Variants in ME3 observed in about 807,000 individuals in gnomAD.
The protein encoded by ME3 is malic enzyme 3, also known as NADP-dependent malic enzyme, mitochondrial.
Under a neutral mutation model 68.9 loss-of-function variants are expected in ME3, and 48 were observed. The ratio of observed to expected loss-of-function variants is 0.70; its 90% CI spans 0.55 to 0.89. ME3 has a LOEUF of 0.89. Among genes scored for constraint, ME3 ranks in the 40% least tolerant of loss-of-function variants. ME3 has a pLI of 0.00. For synonymous variants in ME3, 320 were observed against 318.8 expected (o/e 1.00, Z -0.04); for missense variants, 675 against 797.4 (o/e 0.85, Z 1.85).
chr11:86,607,721 A>G (rs1355053463), intron 2 of ME3, among the ~76,000 whole-genome samples: 1 of 150,084 alleles, frequency 6.7e-6, no homozygotes, highest in African/African-American at 2.4e-5. Context: ...AAATATATAT[A>G]TATATATATT....
chr11:86,474,184 C>A (rs569860034), intron 7 of ME3, among the ~76,000 whole-genome samples: 11 of 152,282 alleles, frequency 7.2e-5, no homozygotes, highest in African/African-American at 1.9e-4. Flanking sequence ...GCCAGACTGG[C>A]AGGCTCCTGA....
intron 4 of ME3, among the ~76,000 whole-genome samples, chr11:86,509,579 A>G (rs1953361013): frequency 6.6e-6 from 1 of 152,222 alleles, no homozygotes; most frequent in South Asian, 2.1e-4. Context: ...TTGGGGCAAC[A>G]GGAGGCCAAA....
At chr11:86,588,820 T>C (rs756170677) in intron 2 of ME3, among the ~76,000 whole-genome samples, 1 of 152,204 alleles carries the variant, frequency 6.6e-6, no homozygotes, top group Non-Finnish European at 1.5e-5. Flanking sequence ...GACAACATTA[T>C]TTAAAGATCT....
At chr11:86,539,524 T>C (rs1955904631) in intron 4 of ME3, among the ~76,000 whole-genome samples, 1 of 152,206 alleles carries the variant, frequency 6.6e-6, no homozygotes, top group Non-Finnish European at 1.5e-5. Context: ...CATGTACTTA[T>C]GGTGGCCAAC....
chr11:86,439,235 C>A, downstream of ME3, among the ~76,000 whole-genome samples: 1 of 152,162 alleles, frequency 6.6e-6, no homozygotes, highest in Non-Finnish European at 1.5e-5. Flanking sequence ...TAAAATTAAC[C>A]GTGACAACAT....
intron 2 of ME3, among the ~76,000 whole-genome samples, chr11:86,576,112 T>G (rs548271563): frequency 1.9e-4 from 29 of 152,360 alleles, no homozygotes; most frequent in Admixed American, 1.4e-3. Context: ...ATATGCCAAG[T>G]CTTCACCACT....
At chr11:86,555,867 G>T (rs993529422) in intron 4 of ME3, among the ~76,000 whole-genome samples, 2 of 152,158 alleles carry the variant, frequency 1.3e-5, no homozygotes, top group African/African-American at 4.8e-5. Flanking sequence ...CTAGAACAAT[G>T]TTCCATTACA....
At position 86,447,022 on chromosome 11, in the gene ME3, A is replaced by G. The variant is rs1376266075; in HGVS notation, c.1380+43T>C. On this transcript the variant is annotated intron_variant, in intron 12 of 14. Coordinates refer to ENST00000543262, the Ensembl canonical transcript of ME3. Reference sequence around the variant, plus strand: ...CATGAGGTTACTCATTGTAATTGTTACTATGTCCTCTCAGCCGGGGGAAGG... The same window carrying G: ...CATGAGGTTACTCATTGTAATTGTTGCTATGTCCTCTCAGCCGGGGGAAGG... 2.5e-6 allele frequency: 4 copies of G among 1,602,842 alleles called. No individual in the cohort carries two copies. In the African/African-American group the frequency reaches 5.4e-5, roughly 21 times the overall value.
At chr11:86,449,847 A>G (rs1011967714) in intron 10 of ME3, 42 bp downstream of exon 10, 3 of 1,453,996 alleles carry the variant, frequency 2.1e-6, no homozygotes, top group African/African-American at 2.8e-5. Context: ...CCTGGGAGCT[A>G]TAAGGTGTCA....
chr11:86,646,735 C>T (rs1256094702), intron 2 of ME3, among the ~76,000 whole-genome samples: 1 of 151,996 alleles, frequency 6.6e-6, no homozygotes, highest in Non-Finnish European at 1.5e-5. Context: ...AGAGTAACCC[C>T]AAGACACATA....
chr11:86,450,436 G>T, intron 8 of ME3, 38 bp from the exon 9 acceptor site: 1 of 1,556,864 alleles, frequency 6.4e-7, no homozygotes, highest in South Asian at 1.1e-5. Context: ...TCTGGCCACA[G>T]GCCGCCAGCT....
At chr11:86,609,874 G>A (rs1387760955) in intron 2 of ME3, among the ~76,000 whole-genome samples, 1 of 152,108 alleles carries the variant, frequency 6.6e-6, no homozygotes, top group African/African-American at 2.4e-5. Context: ...AACACAGTAA[G>A]CAAAATTATA....
intron 4 of ME3, among the ~76,000 whole-genome samples, chr11:86,526,043 C>T (rs180696284): frequency 1.3e-5 from 2 of 152,272 alleles, no homozygotes; most frequent in African/African-American, 2.4e-5. Flanking sequence ...GTGCAGCGCA[C>T]CGAGCATGAG....
intron 2 of ME3, among the ~76,000 whole-genome samples, chr11:86,652,819 G>C (rs1945551177): frequency 6.6e-6 from 1 of 151,762 alleles, no homozygotes; most frequent in Admixed American, 6.6e-5. Context: ...AAAGAGTCAA[G>C]ACCCATCAGT....
chr11:86,568,166 A>G (rs528674265), intron 2 of ME3, among the ~76,000 whole-genome samples: 53 of 152,294 alleles, frequency 3.5e-4, no homozygotes, highest in African/African-American at 1.3e-3. Context: ...ATTTTAACCT[A>G]ATACCCTTGT....
At chr11:86,657,385 A>T (rs1945964944) in intron 2 of ME3, among the ~76,000 whole-genome samples, 1 of 150,744 alleles carries the variant, frequency 6.6e-6, no homozygotes, top group Non-Finnish European at 1.5e-5. Context: ...ACCAAACACC[A>T]CATGTTCTCA....
intron 7 of ME3, among the ~76,000 whole-genome samples, chr11:86,474,287 G>T (rs1459950177): frequency 3.9e-5 from 6 of 152,216 alleles, no homozygotes; most frequent in Non-Finnish European, 8.8e-5. Flanking sequence ...CCAGGATAAT[G>T]TGGCCATTCC....
At chr11:86,633,446 G>A (rs780535427) in intron 2 of ME3, among the ~76,000 whole-genome samples, 3 of 152,196 alleles carry the variant, frequency 2.0e-5, no homozygotes, top group African/African-American at 4.8e-5. Context: ...CCCAGGTAAT[G>A]CTGGTTCTAG....
In ME3 at chr11:86,671,569, C is replaced by T. The variant is rs60977413; in HGVS notation, c.183+193G>A. On this transcript the variant is annotated intron_variant, in intron 2 of 14. Transcript: ENST00000543262. ...TTAGGCTCCCTGCATTACTGGTCGC[C>T]TCTCTCCACGCATAAAAGGGAGAGG... The T allele has an allele frequency of 1.3e-4, 80 of 621,310 alleles. No individual in the cohort carries two copies. The African/African-American group carries it at 1.4e-3, about 11-fold the overall frequency. 38.5% of individuals were successfully genotyped at this position (621,310 alleles called of 1,614,324 possible).
Sources: gnomAD v4.1 joint callset for allele counts (sites outside exome capture counted in the v4.1 genomes callset) on GRCh38, gnomAD v4.1.1 for gene constraint, MANE v1.5 for transcripts, NCBI Gene and HGNC (gene_info 2026-07-23, HGNC 2026-07-21) for gene names.